The following STS variants were observed in gnomAD, a reference collection of about 807,000 sequenced individuals.
STS encodes the protein steroid sulfatase.
STS carries 7 observed loss-of-function variants against 26.8 expected under a neutral mutation model. The ratio of observed to expected loss-of-function variants is 0.26; its 90% CI spans 0.15 to 0.49. The LOEUF is 0.49. STS is among the 20% of genes least tolerant of loss of function. STS has a pLI of 0.98. For synonymous variants in STS, 199 were observed against 189.4 expected (o/e 1.05, Z -0.42); for missense variants, 434 against 465.6 (o/e 0.93, Z 0.63).
chrX:7,173,085 C>T (rs1299801900), intron 1 of STS, among the ~76,000 whole-genome samples: 1 of 110,781 alleles, frequency 9.0e-6, no homozygotes, highest in Non-Finnish European at 1.9e-5. Flanking sequence ...GGTGCTCTAC[C>T]CCCAGCCTAT....
intron 1 of STS, among the ~76,000 whole-genome samples, chrX:7,188,606 C>T (rs1933816781): frequency 8.9e-6 from 1 of 111,843 alleles, no homozygotes; most frequent in Non-Finnish European, 1.9e-5. Context: ...GGCAGTACCA[C>T]TGTGATAAGC....
At chrX:7,302,556 T>C (rs1327503081) in intron 7 of STS, among the ~76,000 whole-genome samples, 2 of 111,707 alleles carry the variant, frequency 1.8e-5, no homozygotes, top group African/African-American at 6.5e-5. Flanking sequence ...ATGGTGTGGG[T>C]TCTGGGAATG....
chrX:7,321,696 C>G (rs113383898), intron 8 of STS, among the ~76,000 whole-genome samples: 9 of 112,369 alleles, frequency 8.0e-5, no homozygotes, highest in African/African-American at 2.6e-4. Flanking sequence ...TTTTCATTGG[C>G]TTCGTTCTCA....
chrX:7,185,411 A>G (rs1201178639), intron 1 of STS, among the ~76,000 whole-genome samples: 2 of 113,167 alleles, frequency 1.8e-5, no homozygotes, highest in African/African-American at 3.2e-5. Context: ...TATTTCAATA[A>G]ATCTTTATTT....
chrX:7,229,398 C>G (rs1332623690), intron 2 of STS, among the ~76,000 whole-genome samples: 1 of 111,656 alleles, frequency 9.0e-6, no homozygotes, highest in African/African-American at 3.3e-5. Flanking sequence ...CTGTTTGCAG[C>G]CTGACTGCTC....
At chrX:7,167,581 T>G (rs1308415346) in intron 1 of STS, among the ~76,000 whole-genome samples, 6 of 112,272 alleles carry the variant, frequency 5.3e-5, no homozygotes, top group Admixed American at 3.8e-4. Context: ...AAGACTACTC[T>G]TCATGAGAGG....
At chrX:7,211,987 G>A (rs772972464) in intron 2 of STS, among the ~76,000 whole-genome samples, 28 of 111,952 alleles carry the variant, frequency 2.5e-4, no homozygotes, top group Non-Finnish European at 4.3e-4. Flanking sequence ...GCTGCAGATC[G>A]CGGGAGCAGA....
intron 2 of STS, among the ~76,000 whole-genome samples, chrX:7,239,912 A>G (rs1290874785): frequency 2.1e-5 from 2 of 96,821 alleles, no homozygotes; most frequent in African/African-American, 7.8e-5. Flanking sequence ...ACCGAGTGTC[A>G]CTCACTCTGT....
intron 8 of STS, among the ~76,000 whole-genome samples, chrX:7,323,947 C>G (rs937311954): frequency 9.0e-6 from 1 of 111,319 alleles, no homozygotes; most frequent in Non-Finnish European, 1.9e-5. Context: ...CCCTCTTTCC[C>G]TTGAAAGAAC....
intron 1 of STS, among the ~76,000 whole-genome samples, chrX:7,148,699 G>T (rs1286198129): frequency 8.9e-6 from 1 of 112,096 alleles, no homozygotes; most frequent in African/African-American, 3.2e-5. Context: ...CCTGGACCGC[G>T]ACTTGAACCG....
chrX:7,307,618 C>T (rs985326761), intron 8 of STS, among the ~76,000 whole-genome samples: 9 of 111,971 alleles, frequency 8.0e-5, no homozygotes, highest in African/African-American at 2.6e-4. Context: ...CAAAGAAGGG[C>T]GCCCACAGGT....
At chrX:7,242,997 A>G (rs762243244) in intron 2 of STS, among the ~76,000 whole-genome samples, 3 of 112,618 alleles carry the variant, frequency 2.7e-5, no homozygotes, top group Non-Finnish European at 3.8e-5. Context: ...TTCCACTGGA[A>G]AGGTGTAGCT....
At chrX:7,317,063 A>T (rs1926744005) in intron 8 of STS, among the ~76,000 whole-genome samples, 1 of 112,332 alleles carries the variant, frequency 8.9e-6, no homozygotes. Context: ...GCTGTTTCTA[A>T]CAAGAGTCTT....
At position 7,259,437 on chromosome X, in the gene STS, C is replaced by T; in HGVS notation, c.471C>T (p.Ile157=). ...ACGGCTTCAATTATTTCTATGGGAT[C>T]TCTTTGACCAATCTGAGAGACTGCA... ...LHHGFNYFYG[I]SLTNLRDCKP... is the part of the protein sequence containing the mutation. The change falls in exon 6 of 11, where the codon ATC becomes ATT. Residue 157 remains isoleucine (I), a synonymous_variant. Coordinates refer to ENST00000674429, the MANE Select transcript of STS (RefSeq NM_001320752.2). The T allele has an allele frequency of 4.1e-6, 5 of 1,211,351 alleles. No individual in the cohort carries two copies. Among genetic ancestry groups the T allele is most frequent in the Non-Finnish European group, 5.6e-6 (5 of 895,294 alleles).
chrX:7,338,712 A>T (rs1231969797), intron 10 of STS, among the ~76,000 whole-genome samples: 1 of 111,946 alleles, frequency 8.9e-6, no homozygotes, highest in Non-Finnish European at 1.9e-5. Context: ...GCTTTATTTT[A>T]AAAATGACAA....
intron 6 of STS, among the ~76,000 whole-genome samples, chrX:7,275,079 TAAG>T (rs1924464771): frequency 9.2e-6 from 1 of 108,114 alleles, no homozygotes; most frequent in African/African-American, 3.4e-5. Context: ...ATGTGGAATC[TAAG>T]AAGAAAGTTG....
intron 1 of STS, among the ~76,000 whole-genome samples, chrX:7,165,630 G>A (rs1933334439): frequency 9.0e-6 from 1 of 111,352 alleles, no homozygotes. Context: ...GGGTAACAGA[G>A]TGAGATCCTG....
At chrX:7,211,004 A>C (rs927222374) in intron 2 of STS, among the ~76,000 whole-genome samples, 5 of 111,113 alleles carry the variant, frequency 4.5e-5, no homozygotes, top group Admixed American at 1.9e-4. Flanking sequence ...GAACACTTAT[A>C]ATCTACTGTT....
chrX:7,279,796 G>T (rs1207530827), intron 7 of STS, among the ~76,000 whole-genome samples: 1 of 110,574 alleles, frequency 9.0e-6, no homozygotes, highest in Admixed American at 9.6e-5. Context: ...GGCTTCTTCG[G>T]TTTAGCATGT....
Sources: allele counts gnomAD v4.1 joint callset (sites outside exome capture counted in the v4.1 genomes callset), GRCh38; gene constraint gnomAD v4.1.1; transcripts MANE v1.5; gene names NCBI Gene and HGNC (gene_info 2026-07-23, HGNC 2026-07-21).